Variants in SLC1A1 observed in about 807,000 individuals in gnomAD.
SLC1A1 encodes solute carrier family 1 member 1.
A neutral mutation model predicts 53.3 loss-of-function variants in SLC1A1; 43 were observed. That is an observed-to-expected ratio of 0.81 (90% CI 0.63 to 1.04). The LOEUF (loss-of-function observed/expected upper bound fraction) is 1.04. Among genes scored for constraint, SLC1A1 ranks in the 50% least tolerant of loss-of-function variants. The pLI, the probability that SLC1A1 is intolerant of heterozygous loss-of-function variation, is 0.00. For missense variants in SLC1A1, 748 were observed against 664.9 expected (o/e 1.12, Z -1.37); for synonymous variants, 307 against 243.2 (o/e 1.26, Z -2.44).
chr9:4,496,242 G>A (rs989666552), intron 1 of SLC1A1, among the ~76,000 whole-genome samples: 1 of 152,144 alleles, frequency 6.6e-6, no homozygotes, highest in Non-Finnish European at 1.5e-5. Context: ...CTCGGGGGCA[G>A]GAGTGAGAGG....
chr9:4,552,717 C>T (rs947421215), intron 2 of SLC1A1, among the ~76,000 whole-genome samples: 1 of 151,778 alleles, frequency 6.6e-6, no homozygotes, highest in African/African-American at 2.4e-5. Flanking sequence ...CCTGGTTCTG[C>T]CATGGATTAG....
intron 1 of SLC1A1, among the ~76,000 whole-genome samples, chr9:4,544,238 A>G (rs142404110): frequency 6.6e-6 from 1 of 152,208 alleles, no homozygotes; most frequent in Non-Finnish European, 1.5e-5. Context: ...TGTGAATGCA[A>G]AAGAGTTATA....
intron 6 of SLC1A1, among the ~76,000 whole-genome samples, chr9:4,571,835 A>G (rs1820087555): frequency 6.6e-6 from 1 of 152,146 alleles, no homozygotes; most frequent in South Asian, 2.1e-4. Flanking sequence ...TGCATTATTA[A>G]TTCCTGTGTT....
chr9:4,555,740 C>G (rs1818314188), intron 2 of SLC1A1, among the ~76,000 whole-genome samples: 1 of 152,160 alleles, frequency 6.6e-6, no homozygotes, highest in Admixed American at 6.5e-5. Context: ...CTGCCCAATT[C>G]AGGTGCCACC....
chr9:4,525,210 A>G (rs1438282677), intron 1 of SLC1A1, among the ~76,000 whole-genome samples: 3 of 152,192 alleles, frequency 2.0e-5, no homozygotes, highest in Non-Finnish European at 2.9e-5. Flanking sequence ...CCTAGTGACT[A>G]AGGAAAACCT....
rs1346463416 is a variant in SLC1A1 at position 4,490,509 on chromosome 9, A to G, written c.-171A>G. 7.3e-6 allele frequency: 3 copies of G among 412,422 alleles called. No individual in the cohort carries two copies. Among genetic ancestry groups the G allele is most frequent in the Admixed American group, 9.5e-5 (2 of 21,146 alleles). The allele number at this position is 412,422 out of a possible 1,614,324, so 25.5% of individuals were successfully genotyped here. On this transcript the variant is annotated 5_prime_UTR_variant, in exon 1 of 12. Transcript: ENST00000262352. The stretch of plus-strand genomic sequence containing the variant: ...GGCAGGGCGGCGGGCGCGGTGCGCG[A>G]TCCCGGGTGGCGGCGGCAACGGCGG...
At chr9:4,551,950 T>C (rs1017688071) in intron 2 of SLC1A1, among the ~76,000 whole-genome samples, 1 of 152,184 alleles carries the variant, frequency 6.6e-6, no homozygotes, top group African/African-American at 2.4e-5. Flanking sequence ...ATAATGAACA[T>C]GCCATTTGCA....
chr9:4,514,398 C>T (rs1052837066), intron 1 of SLC1A1, among the ~76,000 whole-genome samples: 20 of 152,272 alleles, frequency 1.3e-4, no homozygotes, highest in African/African-American at 4.8e-4. Context: ...TATTGTTGGG[C>T]ATGGAAGGTT....
intron 1 of SLC1A1, among the ~76,000 whole-genome samples, chr9:4,514,983 C>G (rs954492066): frequency 2.6e-5 from 4 of 151,994 alleles, no homozygotes; most frequent in Non-Finnish European, 5.9e-5. Flanking sequence ...ATTCAAGCAG[C>G]CGGGGCTCCT....
At position 4,556,774 on chromosome 9, in the gene SLC1A1, G is replaced by A. The variant is rs1818435696; in HGVS notation, c.233-4675G>A. ...GCAGCAAAAGCTGTTTTTATTTGGTGGTGGTGAGTTGGGGGAGAAAATCTT... is the reference window on the plus strand; with the variant it reads ...GCAGCAAAAGCTGTTTTTATTTGGTAGTGGTGAGTTGGGGGAGAAAATCTT... On this transcript the variant is annotated intron_variant, in intron 2 of 11. Transcript: ENST00000262352. This position sits in a 1 kb window ranked among gnomAD's most constrained non-coding sequence, Gnocchi z 4.1. Among the ~76,000 whole-genome samples the A allele has an allele frequency of 6.6e-6, 1 of 152,138 alleles. No individual in the cohort carries two copies. The highest frequency in any genetic ancestry group is 2.1e-4 in the South Asian group (1 of 4,808).
intron 1 of SLC1A1, among the ~76,000 whole-genome samples, chr9:4,528,370 G>C (rs527906592): frequency 1.3e-5 from 2 of 150,932 alleles, no homozygotes; most frequent in Non-Finnish European, 3.0e-5. Context: ...CAGGAGATCA[G>C]GACCATCCTG....
rs1564015980 is a variant in SLC1A1 at position 4,537,603 on chromosome 9, A to AAAATAAAAT, written c.92-6961_92-6960insTAAAATAAA. On this transcript the variant is annotated intron_variant, in intron 1 of 11. Transcript: ENST00000262352. ...TAAAATAAAATAAAATAAAATAAAA[A>AAAATAAAAT]AAAAAAAAATCACATGCTACAACAT... is the stretch of plus-strand genomic sequence containing the variant. Among the ~76,000 whole-genome samples, 61 of 40,592 alleles carry AAAATAAAAT rather than the reference A, an allele frequency of 1.5e-3. 7 individuals are homozygous for AAAATAAAAT. The highest frequency in any genetic ancestry group is 0.011 in the East Asian group (41 of 3,664). 26.6% of individuals were successfully genotyped at this position (40,592 alleles called of 152,430 possible).
intron 1 of SLC1A1, among the ~76,000 whole-genome samples, chr9:4,516,064 G>A (rs967860744): frequency 2.0e-5 from 3 of 152,190 alleles, no homozygotes; most frequent in African/African-American, 7.2e-5. Flanking sequence ...CTGTTAGAGA[G>A]CCACACTGGT....
At chr9:4,496,627 A>G (rs1250842152) in intron 1 of SLC1A1, among the ~76,000 whole-genome samples, 1 of 151,996 alleles carries the variant, frequency 6.6e-6, no homozygotes, top group African/African-American at 2.4e-5. Flanking sequence ...GAGCATGGTG[A>G]CTCATGTCTG....
chr9:4,512,718 C>A (rs1821038622), intron 1 of SLC1A1, among the ~76,000 whole-genome samples: 2 of 152,086 alleles, frequency 1.3e-5, no homozygotes, highest in South Asian at 4.1e-4. Context: ...TGAAGCAGAA[C>A]AGAGATTCCA....
Position 4,490,601 on chromosome 9 carries a change from C to T in SLC1A1, c.-79C>T, listed in dbSNP as rs1172027010. On this transcript the variant is annotated 5_prime_UTR_variant, in exon 1 of 12. Transcript: ENST00000262352. ...CCTGTGCACCCGCATCTCGCCGCGC[C>T]GCCGAGCAGCCAGCAGTCCCCGGGT... is the stretch of plus-strand genomic sequence containing the variant. 1.7e-6 allele frequency: 2 copies of T among 1,189,712 alleles called. No individual in the cohort carries two copies. Among genetic ancestry groups the T allele is most frequent in the African/African-American group, 1.5e-5 (1 of 65,686 alleles). 73.7% of individuals were successfully genotyped at this position (1,189,712 alleles called of 1,614,324 possible).
chr9:4,572,590 C>T (rs1240172233), intron 7 of SLC1A1, among the ~76,000 whole-genome samples: 2 of 152,182 alleles, frequency 1.3e-5, no homozygotes, highest in African/African-American at 4.8e-5. Context: ...TCTGTCACCC[C>T]AGGGTGGAGT....
chr9:4,562,814 C>T (rs1819086123), intron 3 of SLC1A1, among the ~76,000 whole-genome samples: 2 of 151,954 alleles, frequency 1.3e-5, no homozygotes. Context: ...TCCAGTCTAT[C>T]ATTGTTGGAC....
chr9:4,550,714 T>A (rs1817856344), intron 2 of SLC1A1, among the ~76,000 whole-genome samples: 1 of 152,162 alleles, frequency 6.6e-6, no homozygotes, highest in African/African-American at 2.4e-5. Context: ...AGTAAAAAAG[T>A]TTAAAGCCTT....
Sources: allele counts gnomAD v4.1 joint callset (sites outside exome capture counted in the v4.1 genomes callset), GRCh38; gene constraint gnomAD v4.1.1; non-coding constraint Gnocchi (gnomAD v3.1); transcripts MANE v1.5; gene names NCBI Gene and HGNC (gene_info 2026-07-23, HGNC 2026-07-21).